The following CFAP54 variants were observed in gnomAD, a reference collection of about 807,000 sequenced individuals.
CFAP54 encodes the protein cilia and flagella associated protein 54.
A neutral mutation model predicts 370.4 loss-of-function variants in CFAP54; 290 were observed. The observed-to-expected ratio is 0.78, with a 90% CI of 0.71 to 0.86. CFAP54 has a LOEUF of 0.86. Among genes scored for constraint, CFAP54 ranks in the 40% least tolerant of loss-of-function variants. The probability of loss-of-function intolerance (pLI) is 0.00; values close to 1 mark genes in which losing one functional copy is unlikely to be tolerated. For synonymous variants in CFAP54, 1,206 were observed against 1,236.5 expected, an observed-to-expected ratio of 0.98 and a Z score of 0.52; for missense variants, 3,399 against 3,528.7, an observed-to-expected ratio of 0.96 and a Z score of 0.93.
chr12:96,703,726 G>A (rs1267886343), intron 46 of CFAP54, among the ~76,000 whole-genome samples: 1 of 152,016 alleles, frequency 6.6e-6, no homozygotes, highest in Non-Finnish European at 1.5e-5. Context: ...TCTCAAACTG[G>A]TAACGATTTT....
intron 66 of CFAP54, among the ~76,000 whole-genome samples, chr12:96,855,201 G>A (rs1157320814): frequency 6.6e-6 from 1 of 152,094 alleles, no homozygotes; most frequent in South Asian, 2.1e-4. Flanking sequence ...CTCCCACCAG[G>A]TCCCTCTCAT....
At chr12:96,748,732 T>C (rs969724407) in intron 55 of CFAP54, among the ~76,000 whole-genome samples, 1 of 152,252 alleles carries the variant, frequency 6.6e-6, no homozygotes, top group Non-Finnish European at 1.5e-5. Flanking sequence ...TTTCATTTTC[T>C]TTTGGTAAGA....
chr12:96,527,826 C>T (rs755555387), intron 9 of CFAP54, among the ~76,000 whole-genome samples: 7 of 152,124 alleles, frequency 4.6e-5, no homozygotes, highest in Non-Finnish European at 1.0e-4. Context: ...TCTCAGCCTC[C>T]TAAAGTGCTG....
At chr12:96,777,734 C>T (rs1958534060) in intron 60 of CFAP54, among the ~76,000 whole-genome samples, 1 of 152,060 alleles carries the variant, frequency 6.6e-6, no homozygotes. Context: ...AATGCAAGCA[C>T]TGCTAGGATG....
intron 38 of CFAP54, among the ~76,000 whole-genome samples, chr12:96,662,974 T>C (rs1957011555): frequency 6.6e-6 from 1 of 152,194 alleles, no homozygotes; most frequent in Admixed American, 6.5e-5. Context: ...TTATCTGTCT[T>C]CTCCCACTAA....
At chr12:96,528,391 G>A (rs188770529) in intron 9 of CFAP54, among the ~76,000 whole-genome samples, 2 of 152,230 alleles carry the variant, frequency 1.3e-5, no homozygotes, top group African/African-American at 4.8e-5. Context: ...CTGTTGAAGG[G>A]AGAGACTTTT....
At chr12:96,557,618 C>T (rs756536489) in intron 17 of CFAP54, among the ~76,000 whole-genome samples, 12 of 151,848 alleles carry the variant, frequency 7.9e-5, no homozygotes, top group East Asian at 5.8e-4. Context: ...AAATGACCAA[C>T]GTGGATGAAT....
chr12:96,731,668 A>G (rs931760318), intron 50 of CFAP54, among the ~76,000 whole-genome samples: 1 of 152,202 alleles, frequency 6.6e-6, no homozygotes, highest in African/African-American at 2.4e-5. Context: ...ATTGGTAGAA[A>G]TACTAAAAAC....
At chr12:96,653,483 C>A (rs865883314) in intron 36 of CFAP54, among the ~76,000 whole-genome samples, 1 of 152,112 alleles carries the variant, frequency 6.6e-6, no homozygotes, top group Non-Finnish European at 1.5e-5. Context: ...GAAGAAAAAT[C>A]TCCAAATATC....
chr12:96,800,310 T>C (rs1958807698), intron 63 of CFAP54, among the ~76,000 whole-genome samples: 1 of 152,170 alleles, frequency 6.6e-6, no homozygotes, highest in African/African-American at 2.4e-5. Flanking sequence ...TGTCTGACAA[T>C]TAACATAGAA....
chr12:96,527,189 G>A (rs982394181), intron 8 of CFAP54, 57 bp from the exon 9 acceptor site: 59 of 1,402,442 alleles, frequency 4.2e-5, no homozygotes, highest in East Asian at 2.3e-4. Flanking sequence ...GAGCCACTGC[G>A]CCCACAATAT....
intron 65 of CFAP54, among the ~76,000 whole-genome samples, chr12:96,826,843 ATAT>A (rs558902697): frequency 0.01 from 1,193 of 116,940 alleles, 6 homozygotes; most frequent in Non-Finnish European, 0.015. Flanking sequence ...ATATCATATA[ATAT>A]TATATAATAT....
At chr12:96,738,757 C>T (rs535510408) in intron 50 of CFAP54, among the ~76,000 whole-genome samples, 4 of 152,060 alleles carry the variant, frequency 2.6e-5, no homozygotes, top group Middle Eastern at 3.4e-3. Context: ...ACTACAGACG[C>T]GTGCCACCAC....
chr12:96,513,433 C>T (rs572842763), intron 5 of CFAP54, among the ~76,000 whole-genome samples: 78 of 152,176 alleles, frequency 5.1e-4, no homozygotes, highest in African/African-American at 1.8e-3. Flanking sequence ...TCAGTAGTGC[C>T]CACTTTTACT....
chr12:96,580,574 A>T lies in CFAP54; in HGVS notation c.2797-23A>T, dbSNP rs1956022807. On this transcript the variant is annotated intron_variant, in intron 20 of 67. Coordinates refer to ENST00000524981, the MANE Select transcript of CFAP54 (RefSeq NM_001306084.2). ...TGATATAAAAGAATGCCTTTTAAAC[A>T]GGCTCATTTTTCTCGTCGGCAGGTC... 6.4e-6 allele frequency: 9 copies of T among 1,411,694 alleles called. No homozygotes were observed. The South Asian group carries it at 1.2e-4, about 19-fold the overall frequency. The allele number at this position is 1,411,694 out of a possible 1,614,324, so 87.4% of individuals were successfully genotyped here. A position where few individuals can be genotyped will look rare whatever the true frequency, so the allele number is the denominator to read the frequency against.
chr12:96,563,166 T>G (rs900661691), intron 17 of CFAP54, among the ~76,000 whole-genome samples: 1 of 152,230 alleles, frequency 6.6e-6, no homozygotes, highest in Non-Finnish European at 1.5e-5. Context: ...TCCATAAATC[T>G]TTGAAGACCA....
intron 41 of CFAP54, 130 bp downstream of exon 41, chr12:96,684,865 T>C: frequency 1.1e-6 from 1 of 947,950 alleles, no homozygotes; most frequent in South Asian, 1.6e-5. Context: ...CTACATTTTA[T>C]TCATCAAATG....
At chr12:96,806,753 ATTAGCTGGAGCC>A (rs1198413737) in intron 63 of CFAP54, among the ~76,000 whole-genome samples, 3 of 152,086 alleles carry the variant, frequency 2.0e-5, no homozygotes, top group Non-Finnish European at 2.9e-5. Flanking sequence ...TGACCATGCA[ATTAGCTGGAGCC>A]TGATCCTTCA....
At chr12:96,558,766 A>G (rs984259734) in intron 17 of CFAP54, among the ~76,000 whole-genome samples, 1 of 152,214 alleles carries the variant, frequency 6.6e-6, no homozygotes, top group Non-Finnish European at 1.5e-5. Flanking sequence ...ACCTCAAACT[A>G]TAAAACTACT....
Sources: allele counts gnomAD v4.1 joint callset (sites outside exome capture counted in the v4.1 genomes callset), GRCh38; gene constraint gnomAD v4.1.1; transcripts MANE v1.5; gene names NCBI Gene and HGNC (gene_info 2026-07-23, HGNC 2026-07-21).